The following OPCML variants were observed in gnomAD, a reference collection of about 807,000 sequenced individuals.
The protein encoded by OPCML is opioid binding protein/cell adhesion molecule like.
Under a neutral mutation model 37.8 loss-of-function variants are expected in OPCML, and 13 were observed. The ratio of observed to expected loss-of-function variants is 0.34; its 90% confidence interval spans 0.22 to 0.55. The LOEUF (loss-of-function observed/expected upper bound fraction) is 0.55. OPCML is among the 20% of genes least tolerant of loss of function. OPCML has a pLI of 0.91. For missense variants in OPCML, 341 were observed against 435.6 expected (o/e 0.78, Z 1.93); for synonymous variants, 176 against 168.8 (o/e 1.04, Z -0.33).
At chr11:133,270,432 C>A (rs1185506761) in intron 1 of OPCML, among the ~76,000 whole-genome samples, 1 of 152,092 alleles carries the variant, frequency 6.6e-6, no homozygotes, top group East Asian at 1.9e-4. Flanking sequence ...TCCCTCTGGT[C>A]TCCTCCAAGT....
chr11:132,940,776 G>A lies in OPCML; in HGVS notation c.146+2150C>T, dbSNP rs1204427659. ...TGAAATCAAAACCTTAAAAAATCAA[G>A]GAATAAGAAGACTTAAGTGATAAAG... is the stretch of plus-strand genomic sequence containing the variant. On this transcript the variant is annotated intron_variant, in intron 2 of 7. Transcript: ENST00000524381. Among the ~76,000 whole-genome samples the A allele has an allele frequency of 3.3e-5, 5 of 151,672 alleles. No individual in the cohort carries two copies. In the East Asian group the frequency reaches 9.7e-4, roughly 29 times the overall value.
intron 3 of OPCML, among the ~76,000 whole-genome samples, chr11:132,622,619 T>C (rs1367815970): frequency 6.6e-6 from 1 of 152,048 alleles, no homozygotes; most frequent in Non-Finnish European, 1.5e-5. Flanking sequence ...GCCCTGGAAG[T>C]CCAGTCCAGC....
At chr11:133,446,774 A>G (rs533726559) in intron 1 of OPCML, among the ~76,000 whole-genome samples, 1 of 152,318 alleles carries the variant, frequency 6.6e-6, no homozygotes, top group African/African-American at 2.4e-5. Flanking sequence ...TGGACATTTC[A>G]TAAAAATAGA....
At chr11:132,731,758 G>T (rs758601440) in intron 2 of OPCML, among the ~76,000 whole-genome samples, 78 of 152,300 alleles carry the variant, frequency 5.1e-4, no homozygotes, top group Non-Finnish European at 1.1e-3. Flanking sequence ...AGCTAACAGG[G>T]TTGGGGATAC....
intron 2 of OPCML, among the ~76,000 whole-genome samples, chr11:132,889,986 T>G (rs1208488570): frequency 2.0e-5 from 3 of 152,216 alleles, no homozygotes; most frequent in Non-Finnish European, 4.4e-5. Context: ...AATTTGAGAG[T>G]GGCAAAACCT....
chr11:133,116,807 T>TAC lies in OPCML; in HGVS notation c.62-173798_62-173797insGT, dbSNP rs1555097137. On this transcript the variant is annotated intron_variant, in intron 1 of 7. Coordinates refer to ENST00000524381, the MANE Select transcript of OPCML (RefSeq NM_001012393.5). The stretch of plus-strand genomic sequence containing the variant: ...TGGGAAGATATTTTAAAACTATACA[T>TAC]ATATATATATGTATGTATCTTGTTC... Among the ~76,000 whole-genome samples, 16 of 150,658 alleles carry TAC rather than the reference T, an allele frequency of 1.1e-4. No homozygotes were observed. In the East Asian group the frequency reaches 1.4e-3, roughly 13 times the overall value.
At chr11:132,723,235 A>G (rs1279353228) in intron 2 of OPCML, among the ~76,000 whole-genome samples, 2 of 152,246 alleles carry the variant, frequency 1.3e-5, no homozygotes, top group Non-Finnish European at 2.9e-5. Flanking sequence ...TTTACTCACC[A>G]AAACCGTATA....
intron 3 of OPCML, among the ~76,000 whole-genome samples, chr11:132,633,912 G>C (rs1303680739): frequency 1.3e-5 from 2 of 152,140 alleles, no homozygotes; most frequent in Non-Finnish European, 2.9e-5. Context: ...GGGAGGCTGG[G>C]GGTGGAAGTC....
At chr11:133,519,224 T>C (rs1173249357) in intron 1 of OPCML, among the ~76,000 whole-genome samples, 1 of 152,196 alleles carries the variant, frequency 6.6e-6, no homozygotes, top group African/African-American at 2.4e-5. Context: ...TCTGCCTAGT[T>C]CTAACCTTGG....
intron 3 of OPCML, among the ~76,000 whole-genome samples, chr11:132,601,485 A>G (rs750932819): frequency 1.3e-5 from 2 of 152,208 alleles, no homozygotes; most frequent in African/African-American, 4.8e-5. Context: ...CGAATATTAT[A>G]TCCACGCTAC....
intron 2 of OPCML, among the ~76,000 whole-genome samples, chr11:132,723,471 G>C (rs913787065): frequency 3.9e-5 from 6 of 152,078 alleles, no homozygotes; most frequent in African/African-American, 1.4e-4. Flanking sequence ...CTCTGAGGGT[G>C]ACTGTAAAAA....
At chr11:132,831,282 G>A (rs576659838) in intron 2 of OPCML, among the ~76,000 whole-genome samples, 37 of 151,196 alleles carry the variant, frequency 2.4e-4, no homozygotes, top group South Asian at 4.2e-4. Flanking sequence ...CAACAAATTT[G>A]TGTTTCAATG....
intron 1 of OPCML, among the ~76,000 whole-genome samples, chr11:133,373,424 A>ATATATAT (rs1944720739): frequency 1.7e-5 from 2 of 117,756 alleles, no homozygotes; most frequent in Non-Finnish European, 3.4e-5. Flanking sequence ...ACTTAATTAA[A>ATATATAT]ATATATATAT....
chr11:133,080,027 T>C (rs188657245), intron 1 of OPCML, among the ~76,000 whole-genome samples: 3,376 of 152,210 alleles, frequency 0.022, 105 homozygotes, highest in African/African-American at 0.076. Flanking sequence ...AGCAGAAGTG[T>C]GTAGAGAGTT....
At chr11:132,662,639 G>A (rs933115383) in intron 2 of OPCML, among the ~76,000 whole-genome samples, 1 of 152,216 alleles carries the variant, frequency 6.6e-6, no homozygotes, top group Non-Finnish European at 1.5e-5. Flanking sequence ...AATGGAGAGT[G>A]TATCATGGGA....
At chr11:132,847,464 G>A (rs2136319231) in intron 2 of OPCML, among the ~76,000 whole-genome samples, 1 of 152,198 alleles carries the variant, frequency 6.6e-6, no homozygotes. Context: ...ATAGAAGACT[G>A]GAACCCTATC....
At chr11:133,251,951 A>G (rs1202747959) in intron 1 of OPCML, among the ~76,000 whole-genome samples, 1 of 152,170 alleles carries the variant, frequency 6.6e-6, no homozygotes, top group Non-Finnish European at 1.5e-5. Context: ...GATTCTACCT[A>G]GAAACGCTGG....
intron 2 of OPCML, among the ~76,000 whole-genome samples, chr11:132,764,755 C>G (rs575560048): frequency 6.6e-6 from 1 of 152,314 alleles, no homozygotes; most frequent in South Asian, 2.1e-4. Context: ...CTCATTCACT[C>G]CTCTCCAATG....
intron 1 of OPCML, among the ~76,000 whole-genome samples, chr11:133,290,623 G>A (rs997038075): frequency 2.6e-5 from 4 of 152,196 alleles, no homozygotes; most frequent in African/African-American, 9.6e-5. Context: ...CCTGTGGCTG[G>A]TTTGGGATTG....
Sources: allele counts gnomAD v4.1 joint callset (sites outside exome capture counted in the v4.1 genomes callset), GRCh38; gene constraint gnomAD v4.1.1; transcripts MANE v1.5; gene names NCBI Gene and HGNC (gene_info 2026-07-23, HGNC 2026-07-21).